The following RARG variants were observed in gnomAD, a reference collection of about 807,000 sequenced individuals.
The protein encoded by RARG is retinoic acid receptor gamma, also known as RAR-gamma.
A neutral mutation model predicts 43.7 loss-of-function variants in RARG; 17 were observed. The observed-to-expected ratio is 0.39, with a 90% CI of 0.27 to 0.58. RARG has a LOEUF of 0.58. Ranked by LOEUF, RARG falls within the 20% of genes least tolerant of loss-of-function variation. The pLI, the probability that RARG is intolerant of heterozygous loss-of-function variation, is 0.57. For missense variants in RARG, 346 were observed against 598.7 expected (o/e 0.58, Z 4.40); for synonymous variants, 238 against 236.4 (o/e 1.01, Z -0.06).
chr12:53,216,629 G>A (rs1942768286), intron 3 of RARG, among the ~76,000 whole-genome samples: 1 of 152,180 alleles, frequency 6.6e-6, no homozygotes, highest in African/African-American at 2.4e-5. Flanking sequence ...TCTGGAAGCC[G>A]TTGGAGGTGT....
intron 3 of RARG, among the ~76,000 whole-genome samples, chr12:53,216,862 G>A (rs867768032): frequency 2.3e-4 from 28 of 121,382 alleles, no homozygotes; most frequent in African/African-American, 9.9e-4. Flanking sequence ...GCGCGCGCGC[G>A]TGTGGTTGGT....
Position 53,213,332 on chromosome 12 carries a change from G to C in RARG, c.1019-89C>G. ...TGGCTGATCACCAACCGGCGTTTTG[G>C]GAAGCCTGTACAGGGTTTCAGAACT... On this transcript the variant is annotated intron_variant, in intron 8 of 9. Coordinates refer to ENST00000425354, the MANE Select transcript of RARG (RefSeq NM_000966.6). The surrounding 1 kb of genome is among the most constrained non-coding windows in gnomAD (Gnocchi z 4.7). 1.3e-6 allele frequency: 2 copies of C among 1,490,146 alleles called. No homozygotes were observed. Among genetic ancestry groups the C allele is most frequent in the Non-Finnish European group, 1.8e-6 (2 of 1,081,670 alleles). 92.3% of individuals were successfully genotyped at this position (1,490,146 alleles called of 1,614,324 possible). A position where few individuals can be genotyped will look rare whatever the true frequency, so the allele number is the denominator to read the frequency against.
chr12:53,211,101 G>A lies in RARG; in HGVS notation c.*575C>T. On this transcript the variant is annotated 3_prime_UTR_variant, in exon 10 of 10. Transcript: ENST00000425354. This position sits in a 1 kb window ranked among gnomAD's most constrained non-coding sequence, Gnocchi z 4.6. ...GAGCCAAGAGGTGCAGAATGGACCTGCATCTATCTGTCCCTTTCACCCTCT... is the reference window on the plus strand; with the variant it reads ...GAGCCAAGAGGTGCAGAATGGACCTACATCTATCTGTCCCTTTCACCCTCT... 6.5e-6 allele frequency: 1 copy of A among 152,840 alleles called. No individual in the cohort carries two copies. Among genetic ancestry groups the A allele is most frequent in the Non-Finnish European group, 1.5e-5 (1 of 68,094 alleles). The allele number at this position is 152,840 out of a possible 1,614,324, so 9.5% of individuals were successfully genotyped here. A position where few individuals can be genotyped will look rare whatever the true frequency, so the allele number is the denominator to read the frequency against.
intron 3 of RARG, among the ~76,000 whole-genome samples, chr12:53,216,100 G>A (rs955938174): frequency 1.3e-5 from 2 of 152,140 alleles, no homozygotes; most frequent in Non-Finnish European, 2.9e-5. Flanking sequence ...AGGCCATTCC[G>A]GAAATTGACT....
In RARG at chr12:53,212,995, C is replaced by T; in HGVS notation, c.1177+90G>A. ...GTGTAGATTGCCTGGTTCTCAACTA[C>T]TCTGTTCTTGTCTCTGTGTGTCCTC... is the stretch of plus-strand genomic sequence containing the variant. On this transcript the variant is annotated intron_variant, in intron 9 of 9. Coordinates refer to ENST00000425354, the MANE Select transcript of RARG (RefSeq NM_000966.6). 3 of 1,427,044 alleles carry T rather than the reference C, an allele frequency of 2.1e-6. 1 individual carries two copies. The highest frequency in any genetic ancestry group is 2.8e-5 in the South Asian group (2 of 72,458). The allele number at this position is 1,427,044 out of a possible 1,614,324, so 88.4% of individuals were successfully genotyped here.
At chr12:53,216,419 A>C (rs889472170) in intron 3 of RARG, among the ~76,000 whole-genome samples, 2 of 152,170 alleles carry the variant, frequency 1.3e-5, no homozygotes, top group African/African-American at 4.8e-5. Flanking sequence ...AATAACCATC[A>C]GAGACAGTGG....
chr12:53,212,198 G>C (rs1463923768), intron 9 of RARG, among the ~76,000 whole-genome samples: 1 of 152,172 alleles, frequency 6.6e-6, no homozygotes, highest in African/African-American at 2.4e-5. Context: ...CTTGTTCCTA[G>C]TCCTGTTCTC....
chr12:53,225,955 C>T (rs1337460558), intron 3 of RARG, among the ~76,000 whole-genome samples: 2 of 152,214 alleles, frequency 1.3e-5, no homozygotes, highest in African/African-American at 4.8e-5. Context: ...GCTTCTGGAA[C>T]ACCCCCTCTG....
rs1045069113 is a variant in RARG, at chr12:53,220,062, T to C, written c.185-4268A>G. ...CGGGCCCGGCCGCCCCGTACAGCCG[T>C]CGCGGACCCGGGGCAAACGTTTCCA... On this transcript the variant is annotated intron_variant, in intron 3 of 9. Coordinates refer to ENST00000425354, the MANE Select transcript of RARG (RefSeq NM_000966.6). The C allele has an allele frequency of 1.2e-5, 18 of 1,548,618 alleles. No homozygotes were observed. In the African/African-American group the frequency reaches 1.9e-4, roughly 17 times the overall value.
chr12:53,220,196 G>C (rs754182141), intron 3 of RARG: 1 of 1,548,434 alleles, frequency 6.5e-7, no homozygotes, highest in East Asian at 2.4e-5. Context: ...TCCAGCAGGG[G>C]GGGAGGGGGA....
rs943646612 is a variant in RARG, at chr12:53,221,783, A to C, written c.184+5579T>G. On this transcript the variant is annotated intron_variant, in intron 3 of 9. Coordinates refer to ENST00000425354, the MANE Select transcript of RARG (RefSeq NM_000966.6). ...GCCGGGCCGCCCGGCCTGCCTGCCC[A>C]GCCGGCTCTGTCAGCGCCGCTCACA... Among the ~76,000 whole-genome samples the C allele has an allele frequency of 7.4e-4, 109 of 146,570 alleles. 1 individual carries two copies. Among genetic ancestry groups the C allele is most frequent in the African/African-American group, 2.5e-3 (101 of 40,534 alleles).
intron 3 of RARG, among the ~76,000 whole-genome samples, chr12:53,226,883 A>G (rs1160326842): frequency 6.6e-6 from 1 of 152,120 alleles, no homozygotes; most frequent in Non-Finnish European, 1.5e-5. Context: ...AAGTGCTGGG[A>G]TTACAGGCGT....
intron 3 of RARG, among the ~76,000 whole-genome samples, chr12:53,223,639 T>C (rs1592444824): frequency 6.6e-6 from 1 of 150,988 alleles, no homozygotes; most frequent in Non-Finnish European, 1.5e-5. Context: ...AAAGAGGCAG[T>C]CGACTGGGGT....
chr12:53,219,529 G>C (rs555328829), intron 3 of RARG, among the ~76,000 whole-genome samples: 4 of 152,298 alleles, frequency 2.6e-5, no homozygotes, highest in African/African-American at 9.6e-5. Context: ...CACCACCTAG[G>C]CAAGGCGCTG....
chr12:53,230,931 AC>A (rs2120748584), intron 2 of RARG, among the ~76,000 whole-genome samples: 1 of 144,764 alleles, frequency 6.9e-6, no homozygotes, highest in South Asian at 2.2e-4. Flanking sequence ...TGCACACACT[AC>A]CCCCACTCCC....
chr12:53,214,939 A>AG lies in RARG; in HGVS notation c.476-334dup, dbSNP rs3837436. On this transcript the variant is annotated intron_variant, in intron 5 of 9. Transcript: ENST00000425354. ...TAGCCTTGGCAGCACAATGGGGGCGAGGGGGGGGTGGAGAGGAGGAGCCAC... is the reference window on the plus strand; with the variant it reads ...TAGCCTTGGCAGCACAATGGGGGCGAGGGGGGGGGTGGAGAGGAGGAGCCAC... The AG allele has an allele frequency of 2.0e-3, 725 of 358,634 alleles. 3 individuals are homozygous for AG. The highest frequency in any genetic ancestry group is 4.8e-3 in the Middle Eastern group (6 of 1,258). 22.2% of individuals were successfully genotyped at this position (358,634 alleles called of 1,614,324 possible).
chr12:53,217,248 T>C (rs1443628965), intron 3 of RARG, among the ~76,000 whole-genome samples: 1 of 152,090 alleles, frequency 6.6e-6, no homozygotes, highest in Non-Finnish European at 1.5e-5. Flanking sequence ...CTGGAGTCTA[T>C]TCAAGACTAG....
At chr12:53,226,838 C>T (rs1943119555) in intron 3 of RARG, among the ~76,000 whole-genome samples, 1 of 152,154 alleles carries the variant, frequency 6.6e-6, no homozygotes, top group Non-Finnish European at 1.5e-5. Context: ...TCTCGAACTC[C>T]TGGCCTCAAG....
intron 3 of RARG, among the ~76,000 whole-genome samples, chr12:53,220,697 C>G (rs904089609): frequency 5.3e-5 from 8 of 152,208 alleles, no homozygotes; most frequent in African/African-American, 1.9e-4. Context: ...TGCATTTGCA[C>G]TGAGGCGCGT....
Sources: gnomAD v4.1 joint callset for allele counts (sites outside exome capture counted in the v4.1 genomes callset) on GRCh38, gnomAD v4.1.1 for gene constraint, Gnocchi (gnomAD v3.1) non-coding constraint, MANE v1.5 for transcripts, NCBI Gene and HGNC (gene_info 2026-07-23, HGNC 2026-07-21) for gene names.